Variants in KTN1 observed in about 807,000 individuals in gnomAD.
The protein encoded by KTN1 is kinectin.
A neutral mutation model predicts 222.5 loss-of-function variants in KTN1; 130 were observed. The observed-to-expected ratio is 0.58, with a 90% CI of 0.51 to 0.68. The LOEUF (loss-of-function observed/expected upper bound fraction) is 0.68, where lower values mean the gene tolerates loss of function less well. Ranked by LOEUF, KTN1 falls within the 30% of genes least tolerant of loss-of-function variation. The pLI, the probability that KTN1 is intolerant of heterozygous loss-of-function variation, is 0.00. For synonymous variants in KTN1, 512 were observed against 496.3 expected, an observed-to-expected ratio of 1.03 and a Z score of -0.42; for missense variants, 1,508 against 1,500.4, an observed-to-expected ratio of 1.01 and a Z score of -0.08.
At chr14:55,605,934 T>TA (rs1345859255) in intron 1 of KTN1, among the ~76,000 whole-genome samples, 5 of 152,052 alleles carry the variant, frequency 3.3e-5, no homozygotes, top group East Asian at 1.9e-4. Flanking sequence ...TCATTTTTCT[T>TA]AAAAAAAGAT....
At chr14:55,678,300 A>G (rs45458197) in intron 41 of KTN1, 52 bp from the exon 42 acceptor site, 2 of 979,236 alleles carry the variant, frequency 2.0e-6, no homozygotes, top group South Asian at 1.4e-5. Context: ...TTCATTTTTT[A>G]TGTATTTATC....
chr14:55,679,037 A>T (rs1221479567), intron 42 of KTN1: 1 of 155,190 alleles, frequency 6.4e-6, no homozygotes, highest in African/African-American at 2.4e-5. Flanking sequence ...AGCCATGTGA[A>T]TTTGGGCAGA....
intron 29 of KTN1, 115 bp from the exon 30 acceptor site, chr14:55,658,431 A>G: frequency 1.5e-6 from 1 of 682,476 alleles, no homozygotes; most frequent in South Asian, 1.7e-5. Context: ...ACCCTTTAAA[A>G]TTATTGCTAT....
At chr14:55,631,341 G>GAGATATATATATATATATATATATAT (rs71448461) in intron 7 of KTN1, among the ~76,000 whole-genome samples, 7 of 114,704 alleles carry the variant, frequency 6.1e-5, no homozygotes, top group Admixed American at 1.9e-4. Flanking sequence ...TGATAAGGTT[G>GAGATATATATATATATATATATATAT]ATATATATAT....
intron 7 of KTN1, among the ~76,000 whole-genome samples, chr14:55,630,824 G>C (rs1176200539): frequency 6.6e-6 from 1 of 152,178 alleles, no homozygotes; most frequent in Non-Finnish European, 1.5e-5. Flanking sequence ...GGAACACTTT[G>C]CTAGAATTCA....
intron 1 of KTN1, among the ~76,000 whole-genome samples, chr14:55,605,896 T>C (rs2036655458): frequency 6.6e-6 from 1 of 152,262 alleles, no homozygotes. Flanking sequence ...TAGTAAACTT[T>C]TTATCACTGT....
chr14:55,593,547 TC>T (rs1471482809), intron 1 of KTN1, among the ~76,000 whole-genome samples: 5 of 151,386 alleles, frequency 3.3e-5, no homozygotes, highest in Non-Finnish European at 4.4e-5. Flanking sequence ...TTTTTTCCCT[TC>T]CCAACTAAAA....
intron 34 of KTN1, among the ~76,000 whole-genome samples, chr14:55,669,396 C>G (rs1026287438): frequency 7.2e-5 from 11 of 151,980 alleles, no homozygotes; most frequent in African/African-American, 2.7e-4. Flanking sequence ...ACTAAACTTT[C>G]TATGTGCTAA....
rs1170589597 is a variant in KTN1, at chr14:55,580,245, T to A, written c.-140T>A. On this transcript the variant is annotated 5_prime_UTR_variant, in exon 1 of 44. Transcript: ENST00000395314. ...TCCTGCCGAGCGGCGCGACGGCACC[T>A]GAGCGACTGCGGCGGCGGCGGCGGC... 1 of 144,958 alleles carries A rather than the reference T, an allele frequency of 6.9e-6. No homozygotes were observed. Among genetic ancestry groups the A allele is most frequent in the Non-Finnish European group, 1.5e-5 (1 of 67,008 alleles). The allele number at this position is 144,958 out of a possible 1,614,324, so 9.0% of individuals were successfully genotyped here.
chr14:55,640,300 T>G, intron 14 of KTN1, 74 bp from the exon 15 acceptor site: 2 of 1,048,096 alleles, frequency 1.9e-6, no homozygotes, highest in Non-Finnish European at 2.8e-6. Context: ...TTAACTCTTT[T>G]GTAGAAAAGA....
chr14:55,600,633 T>C (rs975149502), intron 1 of KTN1, among the ~76,000 whole-genome samples: 1 of 152,116 alleles, frequency 6.6e-6, no homozygotes. Context: ...CTCAGAAATC[T>C]TATGAAAGGA....
chr14:55,586,381 A>G (rs1223450908), intron 1 of KTN1, among the ~76,000 whole-genome samples: 1 of 152,196 alleles, frequency 6.6e-6, no homozygotes, highest in African/African-American at 2.4e-5. Flanking sequence ...ACATTGGAGT[A>G]CATATTTGCT....
intron 35 of KTN1, chr14:55,671,342 A>C (rs1009073996): frequency 1.8e-5 from 9 of 506,094 alleles, no homozygotes; most frequent in Non-Finnish European, 2.4e-5. Flanking sequence ...ACCTGACTAA[A>C]GACTTTAGTA....
At chr14:55,670,690 T>C (rs757986342) in intron 34 of KTN1, 39 bp from the exon 35 acceptor site, 28 of 1,416,270 alleles carry the variant, frequency 2.0e-5, no homozygotes, top group East Asian at 1.2e-4. Context: ...ATTTTTTTTT[T>C]CTTTGGAAAT....
intron 1 of KTN1, among the ~76,000 whole-genome samples, chr14:55,594,739 CAATG>C (rs1423935173): frequency 5.3e-5 from 8 of 152,136 alleles, no homozygotes; most frequent in Non-Finnish European, 7.4e-5. Flanking sequence ...ATTAATCTAA[CAATG>C]AAGACAAATT....
chr14:55,641,006 T>A, intron 16 of KTN1, 36 bp downstream of exon 16: 1 of 1,556,556 alleles, frequency 6.4e-7, no homozygotes, highest in Non-Finnish European at 8.9e-7. Flanking sequence ...CGTTCATACA[T>A]TTATGTTTAA....
chr14:55,621,078 C>G (rs1229136210), intron 5 of KTN1, among the ~76,000 whole-genome samples: 3 of 152,162 alleles, frequency 2.0e-5, no homozygotes, highest in Admixed American at 2.0e-4. Context: ...CCTCAGATCT[C>G]TAGGACAGGT....
At chr14:55,617,627 C>T (rs1438095827) in intron 3 of KTN1, among the ~76,000 whole-genome samples, 1 of 152,052 alleles carries the variant, frequency 6.6e-6, no homozygotes, top group Non-Finnish European at 1.5e-5. Context: ...AATAGTTTTC[C>T]TTGAGCACTA....
intron 14 of KTN1, 86 bp downstream of exon 14, chr14:55,640,089 GA>G: frequency 2.5e-6 from 2 of 812,474 alleles, no homozygotes; most frequent in Non-Finnish European, 2.0e-6. Context: ...AAGTGTATAT[GA>G]AAAATGGAAA....
Sources: allele counts gnomAD v4.1 joint callset (sites outside exome capture counted in the v4.1 genomes callset), GRCh38; gene constraint gnomAD v4.1.1; transcripts MANE v1.5; gene names NCBI Gene and HGNC (gene_info 2026-07-23, HGNC 2026-07-21).